SGO2: variants seen among roughly 807,000 people sequenced by gnomAD.
The protein encoded by SGO2 is shugoshin 2, also known as shugoshin-like 2.
A neutral mutation model predicts 99.5 loss-of-function variants in SGO2; 68 were observed. That is an observed-to-expected ratio of 0.68 (90% CI 0.56 to 0.84). The LOEUF is 0.84. Ranked by LOEUF, SGO2 falls within the 40% of genes least tolerant of loss-of-function variation. The pLI is 0.00. For synonymous variants in SGO2, 457 were observed against 487.1 expected, an observed-to-expected ratio of 0.94 and a Z score of 0.81; for missense variants, 1,350 against 1,436.7, an observed-to-expected ratio of 0.94 and a Z score of 0.97.
At chr2:200,568,225 T>C (rs918233366) in intron 5 of SGO2, among the ~76,000 whole-genome samples, 3 of 152,262 alleles carry the variant, frequency 2.0e-5, no homozygotes, top group African/African-American at 7.2e-5. Flanking sequence ...ATGTCAAGTA[T>C]ATTTTTATGT....
rs1026395834 is a variant in SGO2, at chr2:200,570,709, A to G, written c.704-341A>G. Among the ~76,000 whole-genome samples, 2 of 151,578 alleles carry G rather than the reference A, an allele frequency of 1.3e-5. No homozygotes were observed. Among genetic ancestry groups the G allele is most frequent in the African/African-American group, 4.8e-5 (2 of 41,290 alleles). ...AGTCTTTGATAGCAATCCTTTTCAG[A>G]GCTATCACTATTATTTGGGTTCATT... On this transcript the variant is annotated intron_variant, in intron 6 of 8. Transcript: ENST00000357799. This position sits in a 1 kb window ranked among gnomAD's most constrained non-coding sequence, Gnocchi z 4.4.
intron 5 of SGO2, among the ~76,000 whole-genome samples, chr2:200,552,885 A>G (rs183615984): frequency 1.3e-5 from 2 of 152,152 alleles, no homozygotes; most frequent in African/African-American, 4.8e-5. Context: ...TCTCAGCCTT[A>G]TTTTACCCAT....
chr2:200,566,249 G>A (rs1401179110), intron 5 of SGO2, among the ~76,000 whole-genome samples: 1 of 152,114 alleles, frequency 6.6e-6, no homozygotes, highest in African/African-American at 2.4e-5. Flanking sequence ...ATGGGGTTTT[G>A]GTGTGGATGT....
rs2033365860 is a variant in SGO2 at position 200,570,519 on chromosome 2, T to TGGGC, written c.704-531_704-530insGGGC. On this transcript the variant is annotated intron_variant, in intron 6 of 8. Transcript: ENST00000357799. The surrounding 1 kb of genome is among the most constrained non-coding windows in gnomAD (Gnocchi z 4.4). The stretch of plus-strand genomic sequence containing the variant: ...GTGTGTGTGTGTGTGTGGGCATATG[T>TGGGC]ATATGTATATAATATATACACACAC... Among the ~76,000 whole-genome samples, 1 of 136,858 alleles carries TGGGC rather than the reference T, an allele frequency of 7.3e-6. No homozygotes were observed. The highest frequency in any genetic ancestry group is 7.6e-5 in the Admixed American group (1 of 13,150). The allele number at this position is 136,858 out of a possible 152,430, so 89.8% of individuals were successfully genotyped here. A position where few individuals can be genotyped will look rare whatever the true frequency, so the allele number is the denominator to read the frequency against.
chr2:200,526,520 AC>A lies in SGO2; in HGVS notation c.-3+269del, dbSNP rs2031095862. 6.6e-6 allele frequency among the ~76,000 whole-genome samples: 1 copy of A among 152,140 alleles called. No homozygotes were observed. Among genetic ancestry groups the A allele is most frequent in the African/African-American group, 2.4e-5 (1 of 41,432 alleles). ...GGGAGAGCCACCAGTTAGGTCAGCT[AC>A]TTAAGGGAAGATATTTCTGTCTCTG... On this transcript the variant is annotated intron_variant, in intron 1 of 8. Coordinates refer to ENST00000357799, the MANE Select transcript of SGO2 (RefSeq NM_152524.6). This position sits in a 1 kb window ranked among gnomAD's most constrained non-coding sequence, Gnocchi z 4.8.
At chr2:200,548,251 CA>C (rs1217077673) in intron 5 of SGO2, among the ~76,000 whole-genome samples, 1 of 151,360 alleles carries the variant, frequency 6.6e-6, no homozygotes, top group South Asian at 2.1e-4. Flanking sequence ...TGTACAAGTT[CA>C]AAAAAATATA....
chr2:200,572,637 T>G lies in SGO2; in HGVS notation c.2291T>G (p.Phe764Cys). ...IPGNLEDPSE[F>C]ETPALSTKDS... ...GGAAACCTAGAAGACCCAAGTGAGT[T>G]TGAAACACCTGCTCTTTCTACCAAA... Residue 764 changes from phenylalanine to cysteine, a missense_variant, in exon 7 of 9, where the codon TTT (phenylalanine) becomes TGT (cysteine). Transcript: ENST00000357799. 1.2e-6 allele frequency: 2 copies of G among 1,612,632 alleles called. 1 individual carries two copies. Among genetic ancestry groups the G allele is most frequent in the South Asian group, 2.2e-5 (2 of 90,760 alleles).
intron 1 of SGO2, among the ~76,000 whole-genome samples, chr2:200,530,936 T>A (rs544118036): frequency 6.6e-6 from 1 of 152,306 alleles, no homozygotes; most frequent in East Asian, 1.9e-4. Flanking sequence ...TCAAGGAGAT[T>A]TGCTGTAAAG....
chr2:200,582,584 A>G (rs2033873873), intron 8 of SGO2, among the ~76,000 whole-genome samples: 1 of 151,946 alleles, frequency 6.6e-6, no homozygotes, highest in Non-Finnish European at 1.5e-5. Context: ...TTCGAAGGCA[A>G]AAAAAAAGTT....
chr2:200,550,576 C>G (rs1368167963), intron 5 of SGO2, among the ~76,000 whole-genome samples: 3 of 152,056 alleles, frequency 2.0e-5, no homozygotes, highest in African/African-American at 7.2e-5. Context: ...GCAAAGGTCC[C>G]AAGAACTTAC....
chr2:200,558,313 C>A (rs2032801709), intron 5 of SGO2, among the ~76,000 whole-genome samples: 1 of 152,094 alleles, frequency 6.6e-6, no homozygotes. Flanking sequence ...TTTCTTTGTA[C>A]TTTCAGTTTG....
At chr2:200,558,926 CTGAG>C (rs2032831688) in intron 5 of SGO2, among the ~76,000 whole-genome samples, 4 of 152,090 alleles carry the variant, frequency 2.6e-5, no homozygotes, top group Admixed American at 2.6e-4. Context: ...TCTCAGCCTC[CTGAG>C]TAACTGGGAT....
chr2:200,558,020 C>T (rs182709516), intron 5 of SGO2, among the ~76,000 whole-genome samples: 75 of 152,014 alleles, frequency 4.9e-4, no homozygotes, highest in African/African-American at 1.7e-3. Flanking sequence ...TGCACCATCA[C>T]ACCCAGCTAA....
chr2:200,536,005 ATAT>A (rs1452886303), intron 3 of SGO2, 57 bp from the exon 4 acceptor site: 57 of 1,080,022 alleles, frequency 5.3e-5, no homozygotes, highest in Admixed American at 2.7e-4. Flanking sequence ...TAAATGCCTG[ATAT>A]TATAATAAAT....
rs199934247 is a variant in SGO2, at chr2:200,575,366, T to C, written c.3687T>C (p.Ala1229=). 2.2e-4 allele frequency: 353 copies of C among 1,609,142 alleles called. 1 individual carries two copies. In the African/African-American group the frequency reaches 3.7e-3, roughly 17 times the overall value. ...SNTSFVSNNT[A]ESENKSEDLS... is the part of the protein sequence containing the mutation. Reference sequence around the variant, plus strand: ...CCAGTTTTGTTTCAAATAACACTGCTGAATCTGAAAATAAGTCAGAAGATC... The same window carrying C: ...CCAGTTTTGTTTCAAATAACACTGCCGAATCTGAAAATAAGTCAGAAGATC... The change falls in exon 8 of 9, where the codon GCT becomes GCC. Residue 1229 remains alanine, a synonymous_variant. Transcript: ENST00000357799.
intron 5 of SGO2, among the ~76,000 whole-genome samples, chr2:200,551,959 T>C (rs536493769): frequency 6.6e-6 from 1 of 152,342 alleles, no homozygotes; most frequent in South Asian, 2.1e-4. Context: ...AGCTTGGCTC[T>C]TTGCATTTAC....
intron 5 of SGO2, among the ~76,000 whole-genome samples, chr2:200,545,436 C>T (rs1028045365): frequency 1.9e-4 from 29 of 152,184 alleles, no homozygotes; most frequent in South Asian, 4.2e-4. Context: ...CTCCCTCACC[C>T]GCCTTTTCGG....
At chr2:200,569,113 T>C (rs946218347) in intron 5 of SGO2, among the ~76,000 whole-genome samples, 2 of 152,128 alleles carry the variant, frequency 1.3e-5, no homozygotes, top group Non-Finnish European at 2.9e-5. Flanking sequence ...CTTCATTCTT[T>C]GAATTCAAAT....
chr2:200,550,999 A>G lies in SGO2; in HGVS notation c.473+8335A>G, dbSNP rs932746001. On this transcript the variant is annotated intron_variant, in intron 5 of 8. Coordinates refer to ENST00000357799, the MANE Select transcript of SGO2 (RefSeq NM_152524.6). Reference sequence around the variant, plus strand: ...CTTAAACAACTAAGTAGCAAAAAAAAAAAAGAAAAAAGGGGAATCATATAC... The same window carrying G: ...CTTAAACAACTAAGTAGCAAAAAAAGAAAAGAAAAAAGGGGAATCATATAC... Among the ~76,000 whole-genome samples, 16 of 151,852 alleles carry G rather than the reference A, an allele frequency of 1.1e-4. 1 individual carries two copies. The highest frequency in any genetic ancestry group is 9.2e-4 in the Admixed American group (14 of 15,234).
Sources: gnomAD v4.1 joint callset for allele counts (sites outside exome capture counted in the v4.1 genomes callset) on GRCh38, gnomAD v4.1.1 for gene constraint, Gnocchi (gnomAD v3.1) non-coding constraint, MANE v1.5 for transcripts, NCBI Gene and HGNC (gene_info 2026-07-23, HGNC 2026-07-21) for gene names.